Variants in CNIH3 observed in about 807,000 individuals in gnomAD.
CNIH3 encodes the protein cornichon family AMPA receptor auxiliary protein 3.
CNIH3 carries 14 observed loss-of-function variants against 24.1 expected under a neutral mutation model. That is an observed-to-expected ratio of 0.58 (90% CI 0.38 to 0.91). The LOEUF (loss-of-function observed/expected upper bound fraction) is 0.91. CNIH3 is among the 40% of genes least tolerant of loss of function. The probability of loss-of-function intolerance (pLI) is 0.00; values close to 1 mark genes in which losing one functional copy is unlikely to be tolerated. For synonymous variants in CNIH3, 68 were observed against 73.8 expected (o/e 0.92, Z 0.40); for missense variants, 178 against 196.8 (o/e 0.90, Z 0.57).
chr1:224,460,897 G>A (rs1675884437), intron 1 of CNIH3, among the ~76,000 whole-genome samples: 1 of 151,906 alleles, frequency 6.6e-6, no homozygotes, highest in Non-Finnish European at 1.5e-5. Flanking sequence ...AGCCTCCTGA[G>A]TAGCTGTGAG....
Position 224,729,486 on chromosome 1 carries a change from T to A in CNIH3, c.199-976T>A, listed in dbSNP as rs1689208621. ...TGAAGGATGTTTCAAAAGATTTTGA[T>A]GGGAAGAACAAAGTATTCATGAGAG... On this transcript the variant is annotated intron_variant, in intron 3 of 5. Transcript: ENST00000272133. Among the ~76,000 whole-genome samples, 3 of 149,834 alleles carry A rather than the reference T, an allele frequency of 2.0e-5. No homozygotes were observed. In the South Asian group the frequency reaches 6.3e-4, roughly 32 times the overall value.
chr1:224,526,063 C>G (rs190924449), intron 2 of CNIH3, among the ~76,000 whole-genome samples: 2 of 152,302 alleles, frequency 1.3e-5, no homozygotes, highest in East Asian at 3.9e-4. Flanking sequence ...CATGTATGTG[C>G]TCTGGATCAG....
chr1:224,621,542 C>T (rs1228116936), intron 1 of CNIH3, among the ~76,000 whole-genome samples: 1 of 152,218 alleles, frequency 6.6e-6, no homozygotes, highest in Non-Finnish European at 1.5e-5. Flanking sequence ...CCTGTCCGTT[C>T]TGGCATCTCA....
intron 3 of CNIH3, among the ~76,000 whole-genome samples, chr1:224,688,009 A>G (rs1686743799): frequency 6.6e-6 from 1 of 152,210 alleles, no homozygotes; most frequent in Admixed American, 6.5e-5. Flanking sequence ...ATCAGGATCT[A>G]GAAAATATCT....
chr1:224,579,916 T>C (rs569306405), intron 4 of CNIH3, among the ~76,000 whole-genome samples: 4 of 152,348 alleles, frequency 2.6e-5, no homozygotes, highest in South Asian at 4.1e-4. Flanking sequence ...CTTTTCTTTA[T>C]ACCCAGCCTT....
intron 1 of CNIH3, among the ~76,000 whole-genome samples, chr1:224,618,572 A>C (rs1279639558): frequency 1.3e-5 from 2 of 152,192 alleles, no homozygotes; most frequent in Non-Finnish European, 2.9e-5. Flanking sequence ...GGAGAGGGGA[A>C]ACTCGGGGAG....
intron 5 of CNIH3, among the ~76,000 whole-genome samples, chr1:224,735,363 G>T (rs1252702273): frequency 6.6e-6 from 1 of 152,150 alleles, no homozygotes; most frequent in Non-Finnish European, 1.5e-5. Flanking sequence ...CTGTCTTGTG[G>T]TTTGACACCA....
At chr1:224,663,975 G>T (rs888526213) in intron 1 of CNIH3, among the ~76,000 whole-genome samples, 13 of 152,230 alleles carry the variant, frequency 8.5e-5, no homozygotes, top group African/African-American at 3.1e-4. Context: ...GTTTGGTCTA[G>T]TCCTGTTGCT....
intron 1 of CNIH3, among the ~76,000 whole-genome samples, chr1:224,619,161 C>T (rs995845898): frequency 6.6e-6 from 1 of 152,210 alleles, no homozygotes; most frequent in Non-Finnish European, 1.5e-5. Flanking sequence ...CTGAATTGGT[C>T]CCTGAAGCAG....
In CNIH3 at chr1:224,739,415, G is replaced by A. The variant is rs373957047; in HGVS notation, c.*59G>A. Reference sequence around the variant, plus strand: ...TGGGAGAGGCCTGAGACGGAGAGGTGCATTTCTGCTGGTGACTGGAGGAGG... The same window carrying A: ...TGGGAGAGGCCTGAGACGGAGAGGTACATTTCTGCTGGTGACTGGAGGAGG... On this transcript the variant is annotated 3_prime_UTR_variant, in exon 6 of 6. Transcript: ENST00000272133. 127 of 1,580,072 alleles carry A rather than the reference G, an allele frequency of 8.0e-5. No homozygotes were observed. Among genetic ancestry groups the A allele is most frequent in the Non-Finnish European group, 9.7e-5 (113 of 1,167,550 alleles).
chr1:224,503,827 GC>G (rs1677787956), intron 1 of CNIH3, among the ~76,000 whole-genome samples: 1 of 152,208 alleles, frequency 6.6e-6, no homozygotes, highest in African/African-American at 2.4e-5. Flanking sequence ...AACAGGCCCA[GC>G]CCTGCAGGCT....
At position 224,696,771 on chromosome 1, in the gene CNIH3, T is replaced by C. The variant is rs1018835299; in HGVS notation, c.198+11928T>C. Among the ~76,000 whole-genome samples, 70 of 113,232 alleles carry C rather than the reference T, an allele frequency of 6.2e-4. 1 individual carries two copies. Among genetic ancestry groups the C allele is most frequent in the African/African-American group, 1.9e-3 (68 of 36,074 alleles). 74.3% of individuals were successfully genotyped at this position (113,232 alleles called of 152,430 possible). ...GTTGTTATGTGCTGAAGGGGATAAA[T>C]TTGTGTGTGTGTGTGTGTGTGTGTG... On this transcript the variant is annotated intron_variant, in intron 3 of 5. Coordinates refer to ENST00000272133, the MANE Select transcript of CNIH3 (RefSeq NM_152495.2).
At chr1:224,594,256 TGACCCAGTCTCCA>T (rs995813047) in intron 3 of CNIH3, among the ~76,000 whole-genome samples, 8 of 152,226 alleles carry the variant, frequency 5.3e-5, no homozygotes, top group African/African-American at 1.7e-4. Flanking sequence ...CACTGCACAC[TGACCCAGTCTCCA>T]GAGCCCTTGC....
Position 224,566,997 on chromosome 1 carries a change from G to A in CNIH3, n.516+733G>A, listed in dbSNP as rs185179009. On this transcript the variant is annotated intron_variant and non_coding_transcript_variant, in intron 4 of 5. Transcript: ENST00000471578. ...ACACTCCCACCAACAGTGTAAAAGC[G>A]TTCCTATTTCTCCACATCCTCTCCA... is the stretch of plus-strand genomic sequence containing the variant. Among the ~76,000 whole-genome samples, 7 of 152,254 alleles carry A rather than the reference G, an allele frequency of 4.6e-5. No homozygotes were observed. The South Asian group carries it at 6.2e-4, about 14-fold the overall frequency.
At position 224,480,029 on chromosome 1, in the gene CNIH3, C is replaced by CCTG. The variant is rs536810747; in HGVS notation, n.204-35711_204-35709dup. On this transcript the variant is annotated intron_variant and non_coding_transcript_variant, in intron 1 of 5. Coordinates refer to the CNIH3 transcript ENST00000471578. ...CCTAACAGTGGTTCTCTATGAGGGC[C>CCTG]CTGTCCCTGCTGCAAACTTCTGTCT... Among the ~76,000 whole-genome samples the CCTG allele has an allele frequency of 3.5e-3, 537 of 152,264 alleles. 2 individuals carry two copies. Among genetic ancestry groups the CCTG allele is most frequent in the Middle Eastern group, 0.034 (10 of 294 alleles).
At chr1:224,460,436 A>AT (rs1459132233) in intron 1 of CNIH3, among the ~76,000 whole-genome samples, 1 of 152,174 alleles carries the variant, frequency 6.6e-6, no homozygotes, top group Non-Finnish European at 1.5e-5. Flanking sequence ...GTCCCTGCAG[A>AT]TTCGTTTGCA....
intron 4 of CNIH3, chr1:224,574,803 C>T: frequency 1.0e-6 from 1 of 982,058 alleles, no homozygotes; most frequent in East Asian, 2.4e-5. Flanking sequence ...GGAATTTTTC[C>T]CATTGGATGA....
chr1:224,654,901 C>T (rs298734), intron 1 of CNIH3, among the ~76,000 whole-genome samples: 87,393 of 152,018 alleles, frequency 0.57, 27,110 homozygotes, highest in African/African-American at 0.81. Flanking sequence ...GGAATATATC[C>T]AGAGTATTTA....
intron 3 of CNIH3, among the ~76,000 whole-genome samples, chr1:224,552,533 G>T (rs1679964726): frequency 6.6e-6 from 1 of 150,720 alleles, no homozygotes; most frequent in Non-Finnish European, 1.5e-5. Context: ...TTAGATATTA[G>T]GAATAATATC....
Sources: allele counts gnomAD v4.1 joint callset (sites outside exome capture counted in the v4.1 genomes callset), GRCh38; gene constraint gnomAD v4.1.1; transcripts MANE v1.5; gene names NCBI Gene and HGNC (gene_info 2026-07-23, HGNC 2026-07-21).